TRAPPC9: variants seen among roughly 807,000 people sequenced by gnomAD.
TRAPPC9 encodes the protein IKK2 binding protein.
In TRAPPC9, 83 loss-of-function variants were observed where a neutral mutation model predicts 124.0. That is an observed-to-expected ratio of 0.67 (90% CI 0.56 to 0.80). TRAPPC9 has a LOEUF of 0.80. Among genes scored for constraint, TRAPPC9 ranks in the 30% least tolerant of loss-of-function variants. The probability of loss-of-function intolerance (pLI) is 0.00; values close to 1 mark genes in which losing one functional copy is unlikely to be tolerated. For synonymous variants in TRAPPC9, 638 were observed against 617.5 expected (o/e 1.03, Z -0.49); for missense variants, 1,302 against 1,508.3 (o/e 0.86, Z 2.27).
At chr8:139,953,879 G>T (rs1834817080) in intron 19 of TRAPPC9, among the ~76,000 whole-genome samples, 1 of 152,154 alleles carries the variant, frequency 6.6e-6, no homozygotes, top group African/African-American at 2.4e-5. Context: ...AAACCATAAT[G>T]ATATGCCACT....
chr8:139,956,084 G>A (rs990339562), intron 19 of TRAPPC9, among the ~76,000 whole-genome samples: 8 of 152,162 alleles, frequency 5.3e-5, no homozygotes, highest in Non-Finnish European at 1.2e-4. Flanking sequence ...GATGCTCCTC[G>A]TTCGAAACAC....
Position 139,772,621 on chromosome 8 carries a change from T to C in TRAPPC9, c.3056-40419A>G, listed in dbSNP as rs117691112. Among the ~76,000 whole-genome samples the C allele has an allele frequency of 4.8e-3, 737 of 152,354 alleles. 7 individuals are homozygous for C. The highest frequency in any genetic ancestry group is 7.5e-3 in the Non-Finnish European group (513 of 68,036). On this transcript the variant is annotated intron_variant, in intron 21 of 22. Coordinates refer to ENST00000438773, the MANE Select transcript of TRAPPC9 (RefSeq NM_001160372.4). ...GCCACAGCTGAGCCCAGGGGTTATCTAAACGCAGAGCTCATAGCTCACTTT... is the reference window on the plus strand; with the variant it reads ...GCCACAGCTGAGCCCAGGGGTTATCCAAACGCAGAGCTCATAGCTCACTTT...
intron 1 of TRAPPC9, among the ~76,000 whole-genome samples, chr8:140,452,556 C>G (rs1202957003): frequency 6.6e-6 from 1 of 152,044 alleles, no homozygotes; most frequent in Non-Finnish European, 1.5e-5. Flanking sequence ...AAATATACCA[C>G]CTTTCCTTTA....
At chr8:139,925,794 G>A (rs1290929461) in intron 19 of TRAPPC9, among the ~76,000 whole-genome samples, 1 of 134,412 alleles carries the variant, frequency 7.4e-6, no homozygotes, top group East Asian at 2.2e-4. Context: ...ACTGGGGTTT[G>A]ACTACCCAGC....
At chr8:140,006,425 T>C (rs939040217) in intron 18 of TRAPPC9, among the ~76,000 whole-genome samples, 1 of 152,226 alleles carries the variant, frequency 6.6e-6, no homozygotes, top group South Asian at 2.1e-4. Flanking sequence ...GCAACCACTT[T>C]GGAAAACAAT....
chr8:139,893,616 G>A (rs1233968224), intron 20 of TRAPPC9, among the ~76,000 whole-genome samples: 1 of 152,254 alleles, frequency 6.6e-6, no homozygotes, highest in Non-Finnish European at 1.5e-5. Flanking sequence ...TGCATGGCAA[G>A]TCTGCATGAA....
At chr8:140,155,502 GA>G (rs1276119968) in intron 17 of TRAPPC9, among the ~76,000 whole-genome samples, 1 of 152,194 alleles carries the variant, frequency 6.6e-6, no homozygotes, top group Non-Finnish European at 1.5e-5. Context: ...GGGAACAAGG[GA>G]AAGAGATGCA....
At chr8:140,187,683 G>A (rs1469269639) in intron 17 of TRAPPC9, among the ~76,000 whole-genome samples, 1 of 152,022 alleles carries the variant, frequency 6.6e-6, no homozygotes, top group Non-Finnish European at 1.5e-5. Flanking sequence ...CCCTGTTGGT[G>A]GTTTTTTTTA....
At chr8:140,072,643 C>T (rs200848990) in intron 17 of TRAPPC9, among the ~76,000 whole-genome samples, 1 of 149,012 alleles carries the variant, frequency 6.7e-6, no homozygotes, top group Admixed American at 6.6e-5. Flanking sequence ...GGTGAAGAGG[C>T]AAGCCACAGA....
chr8:140,314,049 TTCTAATTC>T (rs1322046767), intron 9 of TRAPPC9, among the ~76,000 whole-genome samples: 2 of 152,206 alleles, frequency 1.3e-5, no homozygotes, highest in African/African-American at 4.8e-5. Flanking sequence ...ACTGGTGATT[TTCTAATTC>T]TCTAATTCCT....
At chr8:140,337,004 A>C (rs1259171572) in intron 9 of TRAPPC9, among the ~76,000 whole-genome samples, 1 of 152,192 alleles carries the variant, frequency 6.6e-6, no homozygotes, top group African/African-American at 2.4e-5. Flanking sequence ...TGGCTGGTAC[A>C]GTCTTTAGTG....
chr8:140,237,926 CGAG>C (rs1187644302), intron 16 of TRAPPC9, among the ~76,000 whole-genome samples: 1 of 152,172 alleles, frequency 6.6e-6, no homozygotes, highest in Non-Finnish European at 1.5e-5. Context: ...GACGCGGACA[CGAG>C]GAGAAGGCGT....
chr8:139,977,155 G>C (rs960461958), intron 19 of TRAPPC9, among the ~76,000 whole-genome samples: 1 of 152,142 alleles, frequency 6.6e-6, no homozygotes, highest in Non-Finnish European at 1.5e-5. Flanking sequence ...AGAAGAGTAA[G>C]GGTTTTTCTG....
intron 16 of TRAPPC9, among the ~76,000 whole-genome samples, chr8:140,240,517 C>T (rs930236614): frequency 2.0e-5 from 3 of 152,182 alleles, no homozygotes; most frequent in Non-Finnish European, 4.4e-5. Context: ...TTACACTTAC[C>T]GCCTGCCATA....
At chr8:140,453,955 G>A (rs2071559315) in intron 1 of TRAPPC9, among the ~76,000 whole-genome samples, 1 of 152,180 alleles carries the variant, frequency 6.6e-6, no homozygotes, top group Non-Finnish European at 1.5e-5. Context: ...CAGAGGAGGA[G>A]AGCGCGGCCC....
At chr8:140,051,903 C>G (rs1468454195) in intron 17 of TRAPPC9, among the ~76,000 whole-genome samples, 1 of 151,952 alleles carries the variant, frequency 6.6e-6, no homozygotes, top group East Asian at 1.9e-4. Flanking sequence ...TGTTTCCAAT[C>G]CAAATGCATC....
chr8:139,747,263 G>A (rs1280050237), intron 21 of TRAPPC9, among the ~76,000 whole-genome samples: 2 of 152,248 alleles, frequency 1.3e-5, no homozygotes, highest in East Asian at 3.9e-4. Context: ...CCCAGTCTCA[G>A]ACTTTCTCAT....
intron 9 of TRAPPC9, among the ~76,000 whole-genome samples, chr8:140,339,753 T>A (rs1399191697): frequency 2.0e-5 from 3 of 152,246 alleles, no homozygotes; most frequent in Non-Finnish European, 4.4e-5. Context: ...ATTCTGCTTA[T>A]CTTATTCTCA....
At chr8:140,296,447 G>A (rs2065806269) in intron 11 of TRAPPC9, among the ~76,000 whole-genome samples, 1 of 152,166 alleles carries the variant, frequency 6.6e-6, no homozygotes, top group South Asian at 2.1e-4. Flanking sequence ...TGTATTTTGT[G>A]TAGAGATGGG....
Sources: gnomAD v4.1 joint callset for allele counts (sites outside exome capture counted in the v4.1 genomes callset) on GRCh38, gnomAD v4.1.1 for gene constraint, MANE v1.5 for transcripts, NCBI Gene and HGNC (gene_info 2026-07-23, HGNC 2026-07-21) for gene names.